Variants in SLC45A2 observed in about 807,000 individuals in gnomAD.
The protein encoded by SLC45A2 is solute carrier family 45 member 2.
In SLC45A2, 36 loss-of-function variants were observed where a neutral mutation model predicts 45.5. That is an observed-to-expected ratio of 0.79 (90% CI 0.61 to 1.04). The LOEUF (loss-of-function observed/expected upper bound fraction) is 1.04, where lower values mean the gene tolerates loss of function less well. Ranked by LOEUF, SLC45A2 falls within the 50% of genes least tolerant of loss-of-function variation. The pLI is 0.00. For synonymous variants in SLC45A2, 306 were observed against 269.3 expected (o/e 1.14, Z -1.33); for missense variants, 719 against 671.0 (o/e 1.07, Z -0.79).
chr5:33,951,582 G>A lies in SLC45A2; in HGVS notation c.1128C>T (p.Ile376=). ...GVEVGCWGLC[I]NSVFSSLYSY... is the part of the protein sequence containing the mutation. ...AATAAAGTGAGGAAAACACGGAGTT[G>A]ATGCACAAGCCCCAACATCCAACCT... The change falls in exon 5 of 7, where the codon ATC becomes ATT. Residue 376 remains isoleucine (I), a synonymous_variant. Transcript: ENST00000296589. The A allele has an allele frequency of 6.2e-7, 1 of 1,614,160 alleles. No individual in the cohort carries two copies. Among genetic ancestry groups the A allele is most frequent in the African/African-American group, 1.3e-5 (1 of 75,048 alleles).
chr5:33,982,551 AT>A (rs962171089), intron 1 of SLC45A2, 139 bp from the exon 2 acceptor site: 57 of 843,926 alleles, frequency 6.8e-5, no homozygotes, highest in Non-Finnish European at 8.5e-5. Flanking sequence ...ATAGCTTTAC[AT>A]TTTTTTTCAG....
At chr5:33,975,215 G>A (rs1752893588) in intron 2 of SLC45A2, among the ~76,000 whole-genome samples, 2 of 152,332 alleles carry the variant, frequency 1.3e-5, no homozygotes, top group Admixed American at 6.5e-5. Flanking sequence ...GTAATTAAAT[G>A]AGCATATTTG....
chr5:33,960,538 C>T (rs1285358376), intron 3 of SLC45A2, among the ~76,000 whole-genome samples: 1 of 152,024 alleles, frequency 6.6e-6, no homozygotes, highest in Non-Finnish European at 1.5e-5. Flanking sequence ...TGTTCTAACT[C>T]ATAAGTGGGA....
At chr5:33,967,256 A>T (rs1027774461) in intron 2 of SLC45A2, among the ~76,000 whole-genome samples, 3 of 152,208 alleles carry the variant, frequency 2.0e-5, no homozygotes, top group African/African-American at 7.2e-5. Context: ...CCCTGACCCT[A>T]TTGTGGCATG....
chr5:33,946,889 C>A (rs1030984892), intron 6 of SLC45A2: 11 of 1,396,286 alleles, frequency 7.9e-6, no homozygotes, highest in African/African-American at 7.2e-5. Flanking sequence ...CCTCACCAAG[C>A]CTTTTTCTAA....
At chr5:33,946,807 C>G in intron 6 of SLC45A2, 1 of 1,228,120 alleles carries the variant, frequency 8.1e-7, no homozygotes, top group South Asian at 2.0e-5. Flanking sequence ...ACCAGGGAGA[C>G]CTATGAGGTG....
Position 33,951,556 on chromosome 5 carries a change from G to A in SLC45A2, c.1154C>T (p.Ser385Phe), listed in dbSNP as rs1402086360. The part of the protein sequence containing the change: ...CINSVFSSLY[S>F]YFQKVLVSYI... ...CCTTAGGAGAGAGAAAGACTTACAA[G>A]AATAAAGTGAGGAAAACACGGAGTT... Residue 385 changes from serine (S) to phenylalanine (F), a missense_variant and splice_region_variant, in exon 5 of 7, where the codon TCT (serine) becomes TTT (phenylalanine). Coordinates refer to ENST00000296589, the MANE Select transcript of SLC45A2 (RefSeq NM_016180.5). 3 of 1,613,992 alleles carry A rather than the reference G, an allele frequency of 1.9e-6. No homozygotes were observed. The highest frequency in any genetic ancestry group is 2.5e-6 in the Non-Finnish European group (3 of 1,180,010).
intron 3 of SLC45A2, among the ~76,000 whole-genome samples, chr5:33,962,598 G>A (rs1003814794): frequency 6.6e-6 from 1 of 152,228 alleles, no homozygotes; most frequent in Non-Finnish European, 1.5e-5. Flanking sequence ...TTATGTGGTT[G>A]CAAACACTCT....
At chr5:33,978,668 G>A (rs1470133449) in intron 2 of SLC45A2, among the ~76,000 whole-genome samples, 1 of 152,080 alleles carries the variant, frequency 6.6e-6, no homozygotes, top group Non-Finnish European at 1.5e-5. Context: ...CCTCTTCAAG[G>A]TGCCCCAACT....
At chr5:33,946,822 CAGA>C in intron 6 of SLC45A2, 1 of 1,266,942 alleles carries the variant, frequency 7.9e-7, no homozygotes, top group African/African-American at 1.5e-5. Flanking sequence ...GAGGTGGTTA[CAGA>C]AGACCTGGGT....
intron 3 of SLC45A2, among the ~76,000 whole-genome samples, chr5:33,955,497 A>G (rs1752246927): frequency 6.6e-6 from 1 of 152,206 alleles, no homozygotes. Context: ...GAACATTAAT[A>G]CAGAGAGCCA....
chr5:33,960,293 ATAT>A (rs1317778534), intron 3 of SLC45A2, among the ~76,000 whole-genome samples: 10 of 151,856 alleles, frequency 6.6e-5, no homozygotes, highest in Non-Finnish European at 1.3e-4. Context: ...ATATATATAT[ATAT>A]ATCATAGTTT....
intron 2 of SLC45A2, among the ~76,000 whole-genome samples, chr5:33,978,432 T>C (rs1405626021): frequency 6.6e-6 from 1 of 151,566 alleles, no homozygotes; most frequent in Non-Finnish European, 1.5e-5. Context: ...CAGTTTTTTT[T>C]TAGAGAGCCT....
chr5:33,945,915 A>C, intron 6 of SLC45A2: 1 of 962,612 alleles, frequency 1.0e-6, no homozygotes, highest in Non-Finnish European at 1.2e-6. Context: ...ATTAACAAAA[A>C]ACTAGTAAGA....
At chr5:33,951,441 T>G in intron 5 of SLC45A2, 113 bp downstream of exon 5, 1 of 1,600,912 alleles carries the variant, frequency 6.2e-7, no homozygotes, top group Non-Finnish European at 8.5e-7. Context: ...GTCCATAGAT[T>G]TATTAAGAAT....
At chr5:33,979,173 T>C (rs1327967481) in intron 2 of SLC45A2, among the ~76,000 whole-genome samples, 1 of 152,132 alleles carries the variant, frequency 6.6e-6, no homozygotes, top group Non-Finnish European at 1.5e-5. Context: ...GTTTTATACA[T>C]TTTAGGGAGA....
At chr5:33,969,159 T>C (rs1271603821) in intron 2 of SLC45A2, among the ~76,000 whole-genome samples, 1 of 151,406 alleles carries the variant, frequency 6.6e-6, no homozygotes, top group Non-Finnish European at 1.5e-5. Context: ...CACCAGGAAC[T>C]GTGCTAAACA....
chr5:33,971,484 G>A, intron 2 of SLC45A2: 1 of 379,054 alleles, frequency 2.6e-6, no homozygotes, highest in Non-Finnish European at 5.1e-6. Flanking sequence ...TATTGTCCAG[G>A]CTGGAGTGCA....
At chr5:33,979,125 C>A (rs960231992) in intron 2 of SLC45A2, among the ~76,000 whole-genome samples, 1 of 152,214 alleles carries the variant, frequency 6.6e-6, no homozygotes, top group African/African-American at 2.4e-5. Flanking sequence ...TCTAGGAGAT[C>A]CTGAAACATG....
Sources: gnomAD v4.1 joint callset for allele counts (sites outside exome capture counted in the v4.1 genomes callset) on GRCh38, gnomAD v4.1.1 for gene constraint, MANE v1.5 for transcripts, NCBI Gene and HGNC (gene_info 2026-07-23, HGNC 2026-07-21) for gene names.